The following SGCZ variants were observed in gnomAD, a reference collection of about 807,000 sequenced individuals.
The protein encoded by SGCZ is sarcoglycan zeta.
SGCZ carries 40 observed loss-of-function variants against 41.3 expected under a neutral mutation model. The ratio of observed to expected loss-of-function variants is 0.97; its 90% confidence interval spans 0.75 to 1.26. The LOEUF (loss-of-function observed/expected upper bound fraction) is 1.26, where lower values mean the gene tolerates loss of function less well. Among genes scored for constraint, SGCZ ranks in the 50% most tolerant of loss-of-function variants. The probability of loss-of-function intolerance (pLI) is 0.00; values close to 1 mark genes in which losing one functional copy is unlikely to be tolerated. For missense variants in SGCZ, 552 were observed against 369.8 expected, an observed-to-expected ratio of 1.49 and a Z score of -4.04; for synonymous variants, 206 against 137.5, an observed-to-expected ratio of 1.50 and a Z score of -3.49.
chr8:14,558,286 A>G (rs2117199734), intron 1 of SGCZ, among the ~76,000 whole-genome samples: 1 of 152,202 alleles, frequency 6.6e-6, no homozygotes, highest in South Asian at 2.1e-4. Flanking sequence ...AAGATAGAGT[A>G]AGAGGGAGCT....
chr8:15,052,821 T>C (rs1804562253), intron 1 of SGCZ, among the ~76,000 whole-genome samples: 2 of 152,172 alleles, frequency 1.3e-5, no homozygotes, highest in African/African-American at 2.4e-5. Context: ...AGATATTTGA[T>C]TTCAGAACAC....
chr8:14,111,334 T>G (rs1370588913), intron 5 of SGCZ, among the ~76,000 whole-genome samples: 2 of 152,150 alleles, frequency 1.3e-5, no homozygotes, highest in Non-Finnish European at 2.9e-5. Flanking sequence ...ACCCTAACAA[T>G]TTGTCAACAT....
intron 1 of SGCZ, among the ~76,000 whole-genome samples, chr8:14,977,677 A>C (rs1801522359): frequency 6.6e-6 from 1 of 152,084 alleles, no homozygotes; most frequent in South Asian, 2.1e-4. Context: ...ACACCAAAGA[A>C]AAGCCCAAAG....
In SGCZ at chr8:14,085,301, A is replaced by G. The variant is rs1480655423; in HGVS notation, c.*5142T>C. 6.6e-6 allele frequency among the ~76,000 whole-genome samples: 1 copy of G among 151,836 alleles called. No individual in the cohort carries two copies. Among genetic ancestry groups the G allele is most frequent in the African/African-American group, 2.4e-5 (1 of 41,418 alleles). On this transcript the variant is annotated 3_prime_UTR_variant, in exon 8 of 8. Transcript: ENST00000382080. Reference sequence around the variant, plus strand: ...CAAGAAAACATTTACATGAAAGTACAAAACAAAATAAATGAATAGTGGACC... The same window carrying G: ...CAAGAAAACATTTACATGAAAGTACGAAACAAAATAAATGAATAGTGGACC...
At chr8:14,247,992 G>C (rs1368636253) in intron 3 of SGCZ, among the ~76,000 whole-genome samples, 1 of 152,182 alleles carries the variant, frequency 6.6e-6, no homozygotes, top group African/African-American at 2.4e-5. Context: ...AACGACTAAG[G>C]TAAAGCAGTA....
intron 4 of SGCZ, among the ~76,000 whole-genome samples, chr8:14,236,137 G>C (rs1205682079): frequency 2.0e-5 from 3 of 152,190 alleles, no homozygotes; most frequent in Non-Finnish European, 4.4e-5. Context: ...TAGGCCTATA[G>C]TTTCTGCAGT....
chr8:15,065,028 A>T (rs1421482601), intron 1 of SGCZ, among the ~76,000 whole-genome samples: 2 of 152,128 alleles, frequency 1.3e-5, no homozygotes, highest in African/African-American at 4.8e-5. Context: ...AATTCAATAC[A>T]ACACCAGCAA....
intron 1 of SGCZ, among the ~76,000 whole-genome samples, chr8:15,151,246 G>A (rs1360507362): frequency 1.3e-5 from 2 of 152,136 alleles, no homozygotes; most frequent in East Asian, 3.8e-4. Context: ...AGCTGCCCCA[G>A]CCAATAGTTT....
chr8:14,688,813 A>T (rs1212570001), intron 1 of SGCZ, among the ~76,000 whole-genome samples: 1 of 152,168 alleles, frequency 6.6e-6, no homozygotes, highest in Non-Finnish European at 1.5e-5. Context: ...GGAAAAGAGG[A>T]AGTCAAGCTG....
At chr8:14,304,930 G>A (rs1399390977) in intron 3 of SGCZ, among the ~76,000 whole-genome samples, 1 of 152,144 alleles carries the variant, frequency 6.6e-6, no homozygotes, top group African/African-American at 2.4e-5. Context: ...CTTCAGAGGT[G>A]TGTAGACTTA....
At chr8:14,718,313 C>T (rs1417042860) in intron 1 of SGCZ, among the ~76,000 whole-genome samples, 2 of 151,444 alleles carry the variant, frequency 1.3e-5, no homozygotes, top group African/African-American at 4.9e-5. Context: ...TTCTTAGGAA[C>T]TAAATTATAG....
intron 1 of SGCZ, among the ~76,000 whole-genome samples, chr8:15,076,212 G>A (rs1046581172): frequency 6.6e-6 from 1 of 151,946 alleles, no homozygotes; most frequent in East Asian, 1.9e-4. Flanking sequence ...CTATTTTTTG[G>A]CCAGTCTCAG....
At chr8:14,266,771 A>C (rs2117251362) in intron 3 of SGCZ, among the ~76,000 whole-genome samples, 1 of 152,236 alleles carries the variant, frequency 6.6e-6, no homozygotes, top group Middle Eastern at 3.4e-3. Context: ...ACAATGCCTA[A>C]GTAGATGAGG....
chr8:14,427,477 G>A (rs916144077), intron 2 of SGCZ, among the ~76,000 whole-genome samples: 6 of 151,804 alleles, frequency 4.0e-5, no homozygotes, highest in African/African-American at 1.2e-4. Flanking sequence ...TCTTTCTCCC[G>A]GTATATTTTA....
intron 1 of SGCZ, among the ~76,000 whole-genome samples, chr8:14,768,394 T>A (rs547767675): frequency 6.6e-6 from 1 of 152,304 alleles, no homozygotes; most frequent in African/African-American, 2.4e-5. Context: ...CTGAAACAGT[T>A]TTTCATTTCC....
chr8:14,562,338 T>A lies in SGCZ; in HGVS notation c.40-7412A>T, dbSNP rs138250216. ...AACTATTGGAAGGTAGAGGTCAAGATTGATGCATTATGAATCTCACGTTTG... is the reference window on the plus strand; with the variant it reads ...AACTATTGGAAGGTAGAGGTCAAGAATGATGCATTATGAATCTCACGTTTG... On this transcript the variant is annotated intron_variant, in intron 1 of 7. Coordinates refer to ENST00000382080, the MANE Select transcript of SGCZ (RefSeq NM_139167.4). 3.6e-3 allele frequency among the ~76,000 whole-genome samples: 555 copies of A among 152,282 alleles called. 5 individuals carry two copies. Among genetic ancestry groups the A allele is most frequent in the African/African-American group, 0.012 (519 of 41,548 alleles).
At chr8:14,658,694 C>A (rs911677970) in intron 1 of SGCZ, among the ~76,000 whole-genome samples, 1 of 152,078 alleles carries the variant, frequency 6.6e-6, no homozygotes, top group African/African-American at 2.4e-5. Context: ...TTCTTCTCAG[C>A]AGGTATTATT....
chr8:15,104,690 A>C (rs2131087919), intron 1 of SGCZ, among the ~76,000 whole-genome samples: 1 of 58,644 alleles, frequency 1.7e-5, no homozygotes, highest in East Asian at 3.2e-4. Context: ...TGTTTTTTTC[A>C]GCATCTTCCT....
chr8:14,868,274 C>G (rs988739727), intron 1 of SGCZ, among the ~76,000 whole-genome samples: 15 of 152,156 alleles, frequency 9.9e-5, no homozygotes, highest in African/African-American at 3.6e-4. Context: ...TTGGTAAGCT[C>G]TGCTCAAATC....
Sources: allele counts gnomAD v4.1 joint callset (sites outside exome capture counted in the v4.1 genomes callset), GRCh38; gene constraint gnomAD v4.1.1; transcripts MANE v1.5; gene names NCBI Gene and HGNC (gene_info 2026-07-23, HGNC 2026-07-21).